ACOT9: variants seen among roughly 807,000 people sequenced by gnomAD.
The protein encoded by ACOT9 is acyl-CoA thioesterase 9.
ACOT9 carries 34 observed loss-of-function variants against 39.7 expected under a neutral mutation model. The ratio of observed to expected loss-of-function variants is 0.86; its 90% confidence interval spans 0.65 to 1.14. The LOEUF (loss-of-function observed/expected upper bound fraction) is 1.14, where lower values mean the gene tolerates loss of function less well. Among genes scored for constraint, ACOT9 ranks in the 50% most tolerant of loss-of-function variants. The pLI is 0.00. For missense variants in ACOT9, 313 were observed against 344.1 expected, an observed-to-expected ratio of 0.91 and a Z score of 0.71; for synonymous variants, 110 against 120.5, an observed-to-expected ratio of 0.91 and a Z score of 0.57.
chrX:23,721,944 C>A lies in ACOT9; in HGVS notation c.525G>T (p.Lys175Asn). The change falls in exon 8 of 16, where the codon AAG becomes AAT. Residue 175 changes from lysine to asparagine, a missense_variant. Physicochemically the swap from Lys to Asn is moderately conservative, Grantham distance 94. Coordinates refer to ENST00000379303, the MANE Select transcript of ACOT9 (RefSeq NM_001037171.2). ...CGACCCAGCTAACATGGCCACTGAACTTAATGTCCTGTTCTGGGCTCAAGC... is the reference window on the plus strand; with the variant it reads ...CGACCCAGCTAACATGGCCACTGAAATTAATGTCCTGTTCTGGGCTCAAGC... ...KKSLSPEQDIKFSGHVSWVGK... is the reference protein window; with the variant it reads ...KKSLSPEQDINFSGHVSWVGK... 1 of 1,211,103 alleles carries A rather than the reference C, an allele frequency of 8.3e-7. No individual in the cohort carries two copies. Among genetic ancestry groups the A allele is most frequent in the Non-Finnish European group, 1.1e-6 (1 of 895,073 alleles).
intron 9 of ACOT9, among the ~76,000 whole-genome samples, chrX:23,708,291 G>A (rs1447454310): frequency 1.8e-5 from 2 of 112,373 alleles, no homozygotes; most frequent in African/African-American, 3.2e-5. Context: ...CACTTTGAGA[G>A]GCCAAGCCGG....
intron 3 of ACOT9, among the ~76,000 whole-genome samples, chrX:23,734,089 G>C (rs1406544054): frequency 8.9e-6 from 1 of 111,879 alleles, no homozygotes; most frequent in African/African-American, 3.2e-5. Context: ...CGCAGTAATA[G>C]ATCAAATTAC....
intron 2 of ACOT9, among the ~76,000 whole-genome samples, chrX:23,735,011 A>C (rs1475932335): frequency 1.0e-5 from 1 of 97,275 alleles, no homozygotes; most frequent in Non-Finnish European, 2.0e-5. Flanking sequence ...AAAGGCTCAC[A>C]CCTGTAATCC....
rs749809021 is a variant in ACOT9 at position 23,703,899 on chromosome X, G to A, written c.1342C>T (p.Pro448Ser). The change falls in exon 16 of 16, where the codon CCC becomes TCC. Residue 448 changes from proline to serine, a missense_variant. Transcript: ENST00000379303. ...TTTCAACAAATGTGGTGTTCTTAGG[G>A]CTCCACAAGGTAGTCCTTTCTCAAG... ...ATLRKDYLVE[P>S] 6.6e-6 allele frequency: 8 copies of A among 1,207,978 alleles called. 1 individual carries two copies. Among genetic ancestry groups the A allele is most frequent in the South Asian group, 1.8e-5 (1 of 56,817 alleles).
At chrX:23,717,523 G>A (rs959859487) in intron 8 of ACOT9, among the ~76,000 whole-genome samples, 6 of 111,563 alleles carry the variant, frequency 5.4e-5, no homozygotes, top group African/African-American at 1.6e-4. Flanking sequence ...AGGATATGGG[G>A]AGAAAGAATT....
intron 1 of ACOT9, 62 bp from the exon 2 acceptor site, chrX:23,736,078 C>T: frequency 1.4e-5 from 13 of 941,742 alleles, no homozygotes; most frequent in Non-Finnish European, 1.9e-5. Context: ...ACCCTAAAGA[C>T]CTACCCTCCT....
intron 9 of ACOT9, among the ~76,000 whole-genome samples, chrX:23,712,585 G>A (rs1928937821): frequency 1.8e-5 from 2 of 110,875 alleles, no homozygotes; most frequent in Non-Finnish European, 1.9e-5. Context: ...CAATTTAACG[G>A]CTTTTAGTGT....
chrX:23,712,592 G>A (rs1928938273), intron 9 of ACOT9, among the ~76,000 whole-genome samples: 1 of 110,794 alleles, frequency 9.0e-6, no homozygotes, highest in Non-Finnish European at 1.9e-5. Context: ...ACGGCTTTTA[G>A]TGTATTCACA....
intron 6 of ACOT9, among the ~76,000 whole-genome samples, chrX:23,728,513 A>G (rs1929617325): frequency 1.8e-5 from 2 of 111,642 alleles, no homozygotes; most frequent in African/African-American, 6.5e-5. Flanking sequence ...CAAATATGGA[A>G]AGGAAGGAAA....
chrX:23,737,342 C>A (rs751841419), intron 1 of ACOT9, among the ~76,000 whole-genome samples: 6 of 110,067 alleles, frequency 5.5e-5, no homozygotes, highest in African/African-American at 9.9e-5. Context: ...AACAAACAAA[C>A]AAAAAAAACC....
At chrX:23,716,854 T>A (rs773394147) in intron 8 of ACOT9, among the ~76,000 whole-genome samples, 1 of 109,121 alleles carries the variant, frequency 9.2e-6, no homozygotes, top group Admixed American at 9.9e-5. Flanking sequence ...ACCAGCTAAT[T>A]TTTTGTACTT....
At chrX:23,721,146 A>G (rs1929303890) in intron 8 of ACOT9, among the ~76,000 whole-genome samples, 1 of 110,446 alleles carries the variant, frequency 9.1e-6, no homozygotes, top group African/African-American at 3.3e-5. Context: ...GCTGGAGTGC[A>G]GTGGCGCAAT....
intron 8 of ACOT9, among the ~76,000 whole-genome samples, chrX:23,717,479 G>C (rs749374434): frequency 9.0e-6 from 1 of 111,672 alleles, no homozygotes; most frequent in Admixed American, 9.7e-5. Flanking sequence ...TCACACAAGA[G>C]GCAGTGAGGA....
At chrX:23,721,779 A>C in intron 8 of ACOT9, 102 bp downstream of exon 8, 2 of 603,212 alleles carry the variant, frequency 3.3e-6, no homozygotes, top group Non-Finnish European at 5.1e-6. Context: ...AGAAGCAGTG[A>C]GCAACATACC....
rs565292134 is a variant in ACOT9 at position 23,726,520 on chromosome X, C to G, written c.401-3767G>C. Reference sequence around the variant, plus strand: ...TGGCGTGGAGGAGCAGAAGCCGGAACACAGCCGACCGGGAAATGTTTAATT... The same window carrying G: ...TGGCGTGGAGGAGCAGAAGCCGGAAGACAGCCGACCGGGAAATGTTTAATT... On this transcript the variant is annotated intron_variant, in intron 6 of 15. Transcript: ENST00000379303. Among the ~76,000 whole-genome samples, 47 of 110,919 alleles carry G rather than the reference C, an allele frequency of 4.2e-4. 1 individual carries two copies. In the South Asian group the frequency reaches 0.018, roughly 42 times the overall value.
chrX:23,742,213 T>TGAGAGAGAGAGAGAGAGAGAGAGAGA (rs1190609377), intron 1 of ACOT9, among the ~76,000 whole-genome samples: 1 of 68,910 alleles, frequency 1.5e-5, no homozygotes, highest in Admixed American at 1.8e-4. Context: ...AGTGAGTGAG[T>TGAGAGAGAGAGAGAGAGAGAGAGAGA]GAGAGAGAGA....
chrX:23,729,239 C>G (rs1406336009), intron 6 of ACOT9, among the ~76,000 whole-genome samples: 1 of 111,686 alleles, frequency 9.0e-6, no homozygotes, highest in Non-Finnish European at 1.9e-5. Flanking sequence ...AACAGAGCAT[C>G]CCTTCTGTGA....
chrX:23,731,123 C>T (rs1929725292), intron 4 of ACOT9, 137 bp from the exon 5 acceptor site: 9 of 440,695 alleles, frequency 2.0e-5, no homozygotes, highest in Non-Finnish European at 3.4e-5. Flanking sequence ...TTCCTTCCCT[C>T]CCTTCCCACC....
At chrX:23,730,415 C>G in intron 6 of ACOT9, 112 bp downstream of exon 6, 1 of 638,951 alleles carries the variant, frequency 1.6e-6, no homozygotes. Flanking sequence ...TTTTTGTGCA[C>G]TTTAGAATAT....
Sources: gnomAD v4.1 joint callset for allele counts (sites outside exome capture counted in the v4.1 genomes callset) on GRCh38, gnomAD v4.1.1 for gene constraint, MANE v1.5 for transcripts, NCBI Gene and HGNC (gene_info 2026-07-23, HGNC 2026-07-21) for gene names.